ANKS1B: variants seen among roughly 807,000 people sequenced by gnomAD.
The protein encoded by ANKS1B is ankyrin repeat and sterile alpha motif domain-containing protein 1B.
ANKS1B carries 36 observed loss-of-function variants against 148.3 expected under a neutral mutation model. That is an observed-to-expected ratio of 0.24 (90% CI 0.19 to 0.32). The LOEUF (loss-of-function observed/expected upper bound fraction) is 0.32. Ranked by LOEUF, ANKS1B falls within the 10% of genes least tolerant of loss-of-function variation. The pLI, the probability that ANKS1B is intolerant of heterozygous loss-of-function variation, is 1.00. For missense variants in ANKS1B, 1,157 were observed against 1,542.6 expected, an observed-to-expected ratio of 0.75 and a Z score of 4.19; for synonymous variants, 542 against 560.8, an observed-to-expected ratio of 0.97 and a Z score of 0.47.
chr12:99,227,638 A>G (rs1376586138), intron 14 of ANKS1B, among the ~76,000 whole-genome samples: 1 of 152,182 alleles, frequency 6.6e-6, no homozygotes, highest in Non-Finnish European at 1.5e-5. Context: ...TGAAAAGTAT[A>G]TACCATCAAA....
intron 1 of ANKS1B, among the ~76,000 whole-genome samples, chr12:99,934,569 T>C (rs2153810996): frequency 6.6e-6 from 1 of 152,280 alleles, no homozygotes; most frequent in Admixed American, 6.5e-5. Flanking sequence ...CTGCTCACAC[T>C]AGTCTCTAAT....
intron 1 of ANKS1B, among the ~76,000 whole-genome samples, chr12:99,827,311 ATATTGCCTGAAAAT>A (rs1219139036): frequency 6.6e-6 from 1 of 152,254 alleles, no homozygotes; most frequent in Non-Finnish European, 1.5e-5. Flanking sequence ...AAAAAGAAAA[ATATTGCCTGAAAAT>A]ATACGGAATC....
At chr12:99,981,042 T>C (rs543950698) in intron 1 of ANKS1B, among the ~76,000 whole-genome samples, 1 of 152,178 alleles carries the variant, frequency 6.6e-6, no homozygotes, top group African/African-American at 2.4e-5. Flanking sequence ...CTATGATTGC[T>C]ATGGGAAATT....
At chr12:99,101,930 G>A (rs945460869) in intron 15 of ANKS1B, among the ~76,000 whole-genome samples, 2 of 152,184 alleles carry the variant, frequency 1.3e-5, no homozygotes, top group African/African-American at 4.8e-5. Flanking sequence ...GATGTTAGCA[G>A]ACAGTGAGAG....
chr12:99,072,905 G>A (rs533168338), intron 16 of ANKS1B, among the ~76,000 whole-genome samples: 1 of 152,256 alleles, frequency 6.6e-6, no homozygotes, highest in South Asian at 2.1e-4. Flanking sequence ...AGCTAGTACA[G>A]TGCCTGGCAT....
chr12:99,111,646 A>G (rs1367205646), intron 15 of ANKS1B, among the ~76,000 whole-genome samples: 1 of 152,168 alleles, frequency 6.6e-6, no homozygotes, highest in Non-Finnish European at 1.5e-5. Flanking sequence ...ATTCCTTATA[A>G]GTATAAAAAA....
At chr12:98,860,633 T>C (rs1384987154) in intron 17 of ANKS1B, among the ~76,000 whole-genome samples, 3 of 152,186 alleles carry the variant, frequency 2.0e-5, no homozygotes, top group Non-Finnish European at 4.4e-5. Context: ...TGTTTGGTTT[T>C]CTGTTACTGT....
intron 17 of ANKS1B, among the ~76,000 whole-genome samples, chr12:98,992,340 T>C (rs2099927105): frequency 6.6e-6 from 1 of 152,178 alleles, no homozygotes; most frequent in Non-Finnish European, 1.5e-5. Context: ...TCTGTTCCCA[T>C]GCAAATCTCA....
chr12:98,964,063 A>G (rs2888313), intron 17 of ANKS1B, among the ~76,000 whole-genome samples: 16,079 of 151,866 alleles, frequency 0.11, 2,297 homozygotes, highest in African/African-American at 0.32. Flanking sequence ...GTGCCATTGC[A>G]CTCCAGCCTG....
chr12:99,692,357 T>C (rs2098683772), intron 8 of ANKS1B, among the ~76,000 whole-genome samples: 1 of 151,990 alleles, frequency 6.6e-6, no homozygotes, highest in South Asian at 2.1e-4. Context: ...GAATTATTAA[T>C]GGATCAGGTT....
intron 1 of ANKS1B, among the ~76,000 whole-genome samples, chr12:99,931,842 C>T (rs2094624689): frequency 6.6e-6 from 1 of 152,036 alleles, no homozygotes. Context: ...TGTAGTCACC[C>T]TGTTGTGCTA....
At chr12:99,747,929 GAGA>G (rs1014756594) in intron 8 of ANKS1B, among the ~76,000 whole-genome samples, 4 of 152,070 alleles carry the variant, frequency 2.6e-5, no homozygotes, top group Admixed American at 6.6e-5. Flanking sequence ...TGAAAGTCAG[GAGA>G]AGAAGAATAA....
chr12:99,520,351 C>G (rs181966125), intron 9 of ANKS1B, among the ~76,000 whole-genome samples: 159 of 152,214 alleles, frequency 1.0e-3, no homozygotes, highest in African/African-American at 3.7e-3. Flanking sequence ...TATACTATTC[C>G]TGGGTAAAAG....
chr12:98,765,264 G>C (rs562402599), intron 25 of ANKS1B, among the ~76,000 whole-genome samples: 1 of 152,196 alleles, frequency 6.6e-6, no homozygotes, highest in East Asian at 1.9e-4. Flanking sequence ...AAGACTAGAG[G>C]CATTCTTTTT....
At chr12:99,904,483 T>C (rs544710349) in intron 1 of ANKS1B, among the ~76,000 whole-genome samples, 1 of 152,328 alleles carries the variant, frequency 6.6e-6, no homozygotes, top group East Asian at 1.9e-4. Context: ...TGAGCCACTG[T>C]GCCCAGCCTA....
intron 16 of ANKS1B, among the ~76,000 whole-genome samples, chr12:99,064,458 A>C (rs2043416940): frequency 8.8e-6 from 1 of 113,438 alleles, no homozygotes; most frequent in Non-Finnish European, 2.1e-5. Flanking sequence ...CCCTGTCTCT[A>C]GTCATCAGGG....
At chr12:99,570,100 A>T (rs2097436359) in intron 9 of ANKS1B, among the ~76,000 whole-genome samples, 1 of 152,112 alleles carries the variant, frequency 6.6e-6, no homozygotes, top group Admixed American at 6.5e-5. Context: ...AAGGATTCTT[A>T]AGCCTTGAAC....
intron 14 of ANKS1B, among the ~76,000 whole-genome samples, chr12:99,176,734 T>C (rs2078435175): frequency 6.6e-6 from 1 of 152,128 alleles, no homozygotes; most frequent in South Asian, 2.1e-4. Flanking sequence ...AAAAAGTGTC[T>C]GGCACCTCCT....
At chr12:99,686,101 C>G (rs2098648131) in intron 8 of ANKS1B, among the ~76,000 whole-genome samples, 1 of 152,046 alleles carries the variant, frequency 6.6e-6, no homozygotes, top group Non-Finnish European at 1.5e-5. Context: ...TAAGCAAACA[C>G]CTATTTCCCA....
Sources: allele counts gnomAD v4.1 joint callset (sites outside exome capture counted in the v4.1 genomes callset), GRCh38; gene constraint gnomAD v4.1.1; transcripts MANE v1.5; gene names NCBI Gene and HGNC (gene_info 2026-07-23, HGNC 2026-07-21).